Variants in OR9Q1 observed in about 807,000 individuals in gnomAD.
OR9Q1 encodes the protein olfactory receptor family 9 subfamily Q member 1.
For synonymous variants in OR9Q1, 153 were observed against 148.6 expected (o/e 1.03, Z -0.22); for missense variants, 374 against 378.8 (o/e 0.99, Z 0.11).
intron 2 of OR9Q1, among the ~76,000 whole-genome samples, chr11:58,144,342 T>C (rs1211586150): frequency 2.6e-5 from 4 of 151,940 alleles, no homozygotes; most frequent in African/African-American, 9.7e-5. Flanking sequence ...TCCATGTCCC[T>C]ACAAAGGACA....
intron 2 of OR9Q1, among the ~76,000 whole-genome samples, chr11:58,114,654 AC>A (rs1180818506): frequency 1.3e-5 from 2 of 152,214 alleles, no homozygotes; most frequent in East Asian, 3.8e-4. Flanking sequence ...GGGAATGAGC[AC>A]TGTCACCTTC....
At chr11:58,153,963 G>T (rs1428333187) in intron 2 of OR9Q1, among the ~76,000 whole-genome samples, 1 of 152,114 alleles carries the variant, frequency 6.6e-6, no homozygotes, top group Non-Finnish European at 1.5e-5. Context: ...AATATTAATT[G>T]TTGGTAATAA....
intron 2 of OR9Q1, among the ~76,000 whole-genome samples, chr11:58,114,177 C>T (rs969790828): frequency 6.6e-6 from 1 of 152,124 alleles, no homozygotes; most frequent in Non-Finnish European, 1.5e-5. Flanking sequence ...AGCCTTGGAC[C>T]TCATAGGTCC....
chr11:58,139,408 T>C (rs2441982), intron 2 of OR9Q1, among the ~76,000 whole-genome samples: 74,238 of 151,418 alleles, frequency 0.49, 19,041 homozygotes, highest in East Asian at 0.81. Context: ...ACATTAGGTA[T>C]ATCTCCTAAT....
At chr11:58,092,626 T>C (rs887327698) in intron 2 of OR9Q1, among the ~76,000 whole-genome samples, 1 of 152,180 alleles carries the variant, frequency 6.6e-6, no homozygotes, top group African/African-American at 2.4e-5. Context: ...GAATTACATG[T>C]CATGCACTGC....
chr11:58,083,342 G>C (rs1215926754), intron 2 of OR9Q1, among the ~76,000 whole-genome samples: 2 of 151,702 alleles, frequency 1.3e-5, no homozygotes, highest in African/African-American at 2.4e-5. Flanking sequence ...GTTGATTTCT[G>C]TTCCTTATAA....
In OR9Q1 at chr11:58,055,915, G is replaced by T; in HGVS notation, c.-47G>T. ...CCCTTACCAGACACTGCATGCTGGT[G>T]CCTTGATCTTGGACTTCCCAGCCTC... On this transcript the variant is annotated 5_prime_UTR_variant, in exon 2 of 3. Coordinates refer to ENST00000335397, the MANE Select transcript of OR9Q1 (RefSeq NM_001005212.4). 6.5e-6 allele frequency: 1 copy of T among 153,318 alleles called. No individual in the cohort carries two copies. The highest frequency in any genetic ancestry group is 1.4e-5 in the Non-Finnish European group (1 of 69,092). The allele number at this position is 153,318 out of a possible 1,614,324, so 9.5% of individuals were successfully genotyped here.
chr11:58,143,901 G>A (rs1243323536), intron 2 of OR9Q1, among the ~76,000 whole-genome samples: 1 of 151,988 alleles, frequency 6.6e-6, no homozygotes, highest in Admixed American at 6.6e-5. Context: ...GTGCTTCGAA[G>A]GATTTCTGAA....
rs573245991 is a variant in OR9Q1 at position 58,176,829 on chromosome 11, C to T, written c.-14-2602C>T. On this transcript the variant is annotated intron_variant, in intron 2 of 2. Transcript: ENST00000335397. ...AGCAAGTCTGGGAGGGCAACAAGAACCACCCAGACTTCCTGATGCTCAGCA... is the reference window on the plus strand; with the variant it reads ...AGCAAGTCTGGGAGGGCAACAAGAATCACCCAGACTTCCTGATGCTCAGCA... Among the ~76,000 whole-genome samples the T allele has an allele frequency of 9.2e-5, 14 of 152,218 alleles. No individual in the cohort carries two copies. In the East Asian group the frequency reaches 2.1e-3, roughly 23 times the overall value.
chr11:58,168,185 A>G (rs1020538), intron 2 of OR9Q1, among the ~76,000 whole-genome samples: 39,406 of 152,072 alleles, frequency 0.26, 6,108 homozygotes, highest in East Asian at 0.62. Flanking sequence ...TGTGATTTCA[A>G]AAATAACTCA....
intron 1 of OR9Q1, among the ~76,000 whole-genome samples, chr11:58,047,921 C>G (rs1313559922): frequency 6.6e-6 from 1 of 152,118 alleles, no homozygotes; most frequent in African/African-American, 2.4e-5. Context: ...GGACAGTTCT[C>G]CCATATCTAT....
At chr11:58,119,809 CCGT>C (rs57595530) in intron 2 of OR9Q1, among the ~76,000 whole-genome samples, 4,612 of 152,254 alleles carry the variant, frequency 0.03, 222 homozygotes, top group African/African-American at 0.1. Context: ...CACTCAGTTG[CCGT>C]ATGAGCCTCC....
chr11:58,032,796 A>ATAAACTGT, intron 1 of OR9Q1, among the ~76,000 whole-genome samples: 1 of 152,368 alleles, frequency 6.6e-6, no homozygotes, highest in South Asian at 2.1e-4. Context: ...GCACAGTAAA[A>ATAAACTGT]TAAACTGTTG....
rs115231613 is a variant in OR9Q1, at chr11:58,048,210, A to G, written c.-92-7660A>G. Among the ~76,000 whole-genome samples the G allele has an allele frequency of 4.2e-3, 638 of 152,280 alleles. 4 individuals are homozygous for G. The highest frequency in any genetic ancestry group is 0.015 in the African/African-American group (613 of 41,554). On this transcript the variant is annotated intron_variant, in intron 1 of 2. Coordinates refer to ENST00000335397, the MANE Select transcript of OR9Q1 (RefSeq NM_001005212.4). ...GTTAGGATTGGTACCTAGGATAGAA[A>G]AACTCAGTCCTGCCTTCAAGGCACA...
At chr11:58,029,228 T>C (rs1853004709) in intron 1 of OR9Q1, among the ~76,000 whole-genome samples, 2 of 152,190 alleles carry the variant, frequency 1.3e-5, no homozygotes, top group Admixed American at 1.3e-4. Flanking sequence ...AGCTTATTCA[T>C]CCGGCTGGTA....
At chr11:58,092,144 A>G (rs567969826) in intron 2 of OR9Q1, among the ~76,000 whole-genome samples, 25 of 152,192 alleles carry the variant, frequency 1.6e-4, no homozygotes, top group Non-Finnish European at 2.9e-4. Flanking sequence ...GCCCATTTAC[A>G]TTTAAGGTTA....
intron 2 of OR9Q1, among the ~76,000 whole-genome samples, chr11:58,168,026 A>T (rs1854521351): frequency 6.6e-6 from 1 of 152,214 alleles, no homozygotes; most frequent in African/African-American, 2.4e-5. Flanking sequence ...TACAATCAAC[A>T]CGGCAACCAA....
At chr11:58,113,482 C>T (rs1042931856) in intron 2 of OR9Q1, among the ~76,000 whole-genome samples, 24 of 152,314 alleles carry the variant, frequency 1.6e-4, no homozygotes, top group South Asian at 4.1e-4. Context: ...CATTACCCCC[C>T]TCATTGTACT....
At chr11:58,108,784 C>A in intron 2 of OR9Q1, 1 of 228,608 alleles carries the variant, frequency 4.4e-6, no homozygotes, top group Non-Finnish European at 8.8e-6. Flanking sequence ...ATCTTTGTTC[C>A]TCAGACTGTA....
Sources: gnomAD v4.1 joint callset for allele counts (sites outside exome capture counted in the v4.1 genomes callset) on GRCh38, gnomAD v4.1.1 for gene constraint, MANE v1.5 for transcripts, NCBI Gene and HGNC (gene_info 2026-07-23, HGNC 2026-07-21) for gene names.